KCNMA1: variants seen among roughly 807,000 people sequenced by gnomAD.
The protein encoded by KCNMA1 is potassium calcium-activated channel subfamily M alpha 1.
KCNMA1 carries 29 observed loss-of-function variants against 140.0 expected under a neutral mutation model. The observed-to-expected ratio is 0.21, with a 90% confidence interval of 0.15 to 0.28. The LOEUF (loss-of-function observed/expected upper bound fraction) is 0.28, where lower values mean the gene tolerates loss of function less well. KCNMA1 is among the 10% of genes least tolerant of loss of function. The pLI is 1.00. For missense variants in KCNMA1, 880 were observed against 1,602.2 expected, an observed-to-expected ratio of 0.55 and a Z score of 7.70; for synonymous variants, 612 against 611.9, an observed-to-expected ratio of 1.00 and a Z score of 0.00.
intron 1 of KCNMA1, among the ~76,000 whole-genome samples, chr10:77,602,351 G>A (rs1325026100): frequency 6.6e-6 from 1 of 152,196 alleles, no homozygotes; most frequent in African/African-American, 2.4e-5. Flanking sequence ...GGCCACAAGG[G>A]GCAAATCCGT....
chr10:77,637,106 G>A (rs1834878397), intron 1 of KCNMA1, 159 bp downstream of exon 1: 14 of 1,279,700 alleles, frequency 1.1e-5, no homozygotes, highest in Middle Eastern at 2.7e-4. Flanking sequence ...GCCCCGATCC[G>A]AGAGCACCGG....
intron 2 of KCNMA1, chr10:77,355,288 GA>G: frequency 6.5e-6 from 1 of 154,820 alleles, no homozygotes; most frequent in African/African-American, 2.4e-5. Context: ...TCAGCAGTGT[GA>G]AAACGGACTA....
At chr10:77,048,046 G>A (rs1031349448) in intron 14 of KCNMA1, among the ~76,000 whole-genome samples, 1 of 151,446 alleles carries the variant, frequency 6.6e-6, no homozygotes, top group African/African-American at 2.4e-5. Context: ...AATTTGAGAG[G>A]CCAAGGCAGG....
chr10:77,554,782 C>G lies in KCNMA1; in HGVS notation c.378+82483G>C, dbSNP rs141600055. Among the ~76,000 whole-genome samples, 47 of 152,230 alleles carry G rather than the reference C, an allele frequency of 3.1e-4. No individual in the cohort carries two copies. The East Asian group carries it at 7.9e-3, about 26-fold the overall frequency. On this transcript the variant is annotated intron_variant, in intron 1 of 27. Transcript: ENST00000286628. ...CTGGAAACGGTGCCATCTCCAAAGACTCCTCCGCACATGGAAGAGCCTGAT... is the reference window on the plus strand; with the variant it reads ...CTGGAAACGGTGCCATCTCCAAAGAGTCCTCCGCACATGGAAGAGCCTGAT...
intron 2 of KCNMA1, among the ~76,000 whole-genome samples, chr10:77,305,425 TAAC>T (rs994999492): frequency 1.3e-5 from 2 of 152,124 alleles, no homozygotes; most frequent in South Asian, 2.1e-4. Context: ...TTGAAAAAAG[TAAC>T]AACAACAATG....
intron 2 of KCNMA1, 82 bp downstream of exon 2, chr10:77,403,780 G>A (rs980215574): frequency 2.9e-6 from 4 of 1,395,212 alleles, no homozygotes; most frequent in Non-Finnish European, 3.0e-6. Flanking sequence ...AGAAGACCCT[G>A]GGGAATATCA....
downstream of KCNMA1, among the ~76,000 whole-genome samples, chr10:76,880,075 C>A (rs2151478378): frequency 6.6e-6 from 1 of 152,270 alleles, no homozygotes; most frequent in African/African-American, 2.4e-5. Flanking sequence ...GTGAACTCAG[C>A]TGATGGAAAT....
At chr10:77,495,668 C>A (rs1390139042) in intron 1 of KCNMA1, among the ~76,000 whole-genome samples, 1 of 152,224 alleles carries the variant, frequency 6.6e-6, no homozygotes, top group Non-Finnish European at 1.5e-5. Context: ...GCCAAAGCTT[C>A]CACCTCATGG....
chr10:76,872,938 C>T (rs2031645872), downstream of KCNMA1: 1 of 151,598 alleles, frequency 6.6e-6, no homozygotes, highest in South Asian at 2.1e-4. Context: ...TTTGGCTTAT[C>T]TTTAGATAGG....
At chr10:77,048,250 A>C (rs187514468) in intron 14 of KCNMA1, among the ~76,000 whole-genome samples, 1 of 152,048 alleles carries the variant, frequency 6.6e-6, no homozygotes, top group Non-Finnish European at 1.5e-5. Flanking sequence ...GTTTCTAAGC[A>C]CTTACTCTCA....
chr10:77,442,924 A>G (rs2097439578), intron 1 of KCNMA1, among the ~76,000 whole-genome samples: 1 of 151,892 alleles, frequency 6.6e-6, no homozygotes, highest in South Asian at 2.1e-4. Context: ...AATCTCCATC[A>G]CCTTCCCTCC....
chr10:77,332,026 T>G (rs1434955983), intron 2 of KCNMA1, among the ~76,000 whole-genome samples: 1 of 152,104 alleles, frequency 6.6e-6, no homozygotes, highest in Admixed American at 6.6e-5. Context: ...GCACTAGATA[T>G]ACATTTTGAG....
chr10:77,395,470 C>G (rs764795314), intron 2 of KCNMA1, among the ~76,000 whole-genome samples: 5 of 152,204 alleles, frequency 3.3e-5, no homozygotes, highest in Admixed American at 6.5e-5. Context: ...TAAATGTTTC[C>G]CAAAGTGAGT....
chr10:77,013,739 G>T (rs2091399357), intron 17 of KCNMA1, among the ~76,000 whole-genome samples: 1 of 152,128 alleles, frequency 6.6e-6, no homozygotes, highest in Non-Finnish European at 1.5e-5. Context: ...TTTGAAGGAG[G>T]TATGATTATT....
intron 19 of KCNMA1, among the ~76,000 whole-genome samples, chr10:76,976,629 A>G (rs182276080): frequency 1.1e-4 from 16 of 152,236 alleles, no homozygotes; most frequent in African/African-American, 3.4e-4. Flanking sequence ...GGAACTCAGC[A>G]TGTACCAAAG....
chr10:77,603,995 A>T (rs2083528949), intron 1 of KCNMA1, among the ~76,000 whole-genome samples: 1 of 152,224 alleles, frequency 6.6e-6, no homozygotes, highest in Non-Finnish European at 1.5e-5. Flanking sequence ...TGACACATAA[A>T]GGTGTGTGAT....
intron 23 of KCNMA1, among the ~76,000 whole-genome samples, chr10:76,940,358 G>C (rs151278950): frequency 6.6e-6 from 1 of 152,328 alleles, no homozygotes; most frequent in Non-Finnish European, 1.5e-5. Flanking sequence ...GGCTTTGTTA[G>C]TCTAGGAGCC....
At chr10:77,121,706 A>C (rs931407313) in intron 5 of KCNMA1, among the ~76,000 whole-genome samples, 3 of 152,222 alleles carry the variant, frequency 2.0e-5, no homozygotes, top group African/African-American at 7.2e-5. Context: ...TCTTGAATGA[A>C]AAAGAAGCAT....
At chr10:76,950,495 C>G (rs991938731) in intron 21 of KCNMA1, among the ~76,000 whole-genome samples, 8 of 152,194 alleles carry the variant, frequency 5.3e-5, no homozygotes, top group Non-Finnish European at 1.0e-4. Context: ...ATTCACTGAG[C>G]TAGTGAAGCC....
Sources: gnomAD v4.1 joint callset for allele counts (sites outside exome capture counted in the v4.1 genomes callset) on GRCh38, gnomAD v4.1.1 for gene constraint, MANE v1.5 for transcripts, NCBI Gene and HGNC (gene_info 2026-07-23, HGNC 2026-07-21) for gene names.